The following WDPCP variants were observed in gnomAD, a reference collection of about 807,000 sequenced individuals.
WDPCP encodes the protein WD repeat containing planar cell polarity effector.
In WDPCP, 71 loss-of-function variants were observed where a neutral mutation model predicts 93.1. The observed-to-expected ratio is 0.76, with a 90% CI of 0.63 to 0.93. The LOEUF is 0.93. WDPCP is among the 40% of genes least tolerant of loss of function. The pLI, the probability that WDPCP is intolerant of heterozygous loss-of-function variation, is 0.00. For synonymous variants in WDPCP, 315 were observed against 315.0 expected (o/e 1.00, Z 0.00); for missense variants, 844 against 887.4 (o/e 0.95, Z 0.62).
intron 17 of WDPCP, among the ~76,000 whole-genome samples, chr2:63,147,906 T>A (rs1671631076): frequency 6.8e-6 from 1 of 147,712 alleles, no homozygotes; most frequent in African/African-American, 2.5e-5. Context: ...AGGCAGAGGT[T>A]GCAGTGAGCC....
chr2:63,624,889 A>C (rs1350492698), intron 3 of WDPCP, among the ~76,000 whole-genome samples: 2 of 152,204 alleles, frequency 1.3e-5, no homozygotes, highest in African/African-American at 4.8e-5. Flanking sequence ...AGAAAATTTC[A>C]TGACAATATC....
At chr2:63,307,069 A>G (rs1685797534) in intron 13 of WDPCP, among the ~76,000 whole-genome samples, 1 of 152,226 alleles carries the variant, frequency 6.6e-6, no homozygotes, top group African/African-American at 2.4e-5. Context: ...TCAATGTGCA[A>G]AAATCACAAG....
intron 6 of WDPCP, among the ~76,000 whole-genome samples, chr2:63,447,181 GAGT>G (rs1697922113): frequency 6.6e-6 from 1 of 152,018 alleles, no homozygotes; most frequent in Admixed American, 6.6e-5. Context: ...AAAAAAACAA[GAGT>G]AGTATGGGTA....
At chr2:63,361,840 A>G (rs974953939) in intron 12 of WDPCP, among the ~76,000 whole-genome samples, 2 of 152,192 alleles carry the variant, frequency 1.3e-5, no homozygotes, top group Admixed American at 6.5e-5. Context: ...GAGGCATCCA[A>G]GCTCCAAGAT....
chr2:63,138,579 C>A (rs1185493673), intron 17 of WDPCP, among the ~76,000 whole-genome samples: 2 of 151,780 alleles, frequency 1.3e-5, no homozygotes, highest in African/African-American at 4.8e-5. Flanking sequence ...CAGCCTCCCC[C>A]ATAGCTGGGA....
chr2:63,467,776 CAAAAAAA>C (rs3051717), intron 6 of WDPCP, among the ~76,000 whole-genome samples: 16 of 87,674 alleles, frequency 1.8e-4, no homozygotes, highest in Non-Finnish European at 3.2e-4. Context: ...ACTCAGTCTC[CAAAAAAA>C]AAAAAAAAAA....
intron 1 of WDPCP, among the ~76,000 whole-genome samples, chr2:63,550,055 A>G (rs1479175727): frequency 9.5e-6 from 1 of 105,196 alleles, no homozygotes; most frequent in Non-Finnish European, 1.9e-5. Flanking sequence ...GCATCAACCA[A>G]TGCTTTCTCT....
chr2:63,402,478 A>C (rs778929167), intron 10 of WDPCP, among the ~76,000 whole-genome samples: 7 of 152,050 alleles, frequency 4.6e-5, no homozygotes, highest in Non-Finnish European at 7.4e-5. Context: ...AACTTAAAGT[A>C]AAATAAAAAT....
chr2:63,722,660 G>A (rs1310966352), intron 2 of WDPCP, among the ~76,000 whole-genome samples: 1 of 132,658 alleles, frequency 7.5e-6, no homozygotes. Context: ...AGGGAGGTGG[G>A]GGGGGGTCAG....
chr2:63,122,594 A>C (rs1193506836), intron 17 of WDPCP, among the ~76,000 whole-genome samples: 1 of 152,156 alleles, frequency 6.6e-6, no homozygotes, highest in Non-Finnish European at 1.5e-5. Context: ...TTTCTTTTGC[A>C]CCTTCTGCCC....
At chr2:63,396,870 G>A (rs1380241450) in intron 10 of WDPCP, among the ~76,000 whole-genome samples, 1 of 152,122 alleles carries the variant, frequency 6.6e-6, no homozygotes, top group Non-Finnish European at 1.5e-5. Flanking sequence ...TTGTGTTCAT[G>A]AGTTGTCAGC....
chr2:63,367,000 C>T (rs2104729976), intron 12 of WDPCP, among the ~76,000 whole-genome samples: 1 of 151,640 alleles, frequency 6.6e-6, no homozygotes, highest in African/African-American at 2.4e-5. Context: ...AAGCCCTTAC[C>T]TTTCACTAGC....
intron 14 of WDPCP, among the ~76,000 whole-genome samples, chr2:63,191,521 A>C (rs909056133): frequency 6.6e-6 from 1 of 152,174 alleles, no homozygotes; most frequent in Non-Finnish European, 1.5e-5. Context: ...GCTTTTTGAA[A>C]ACTCAGATTT....
chr2:63,178,691 T>A (rs1674003051), intron 14 of WDPCP, among the ~76,000 whole-genome samples: 3 of 152,166 alleles, frequency 2.0e-5, no homozygotes, highest in Non-Finnish European at 2.9e-5. Flanking sequence ...ATTGCTTTTG[T>A]ATTCTGTATT....
intron 10 of WDPCP, among the ~76,000 whole-genome samples, chr2:63,401,007 A>G (rs1694105594): frequency 6.6e-6 from 1 of 152,216 alleles, no homozygotes; most frequent in African/African-American, 2.4e-5. Context: ...AAATGGATAA[A>G]GGACTTAAAT....
chr2:63,553,109 T>C (rs958747173), intron 1 of WDPCP, among the ~76,000 whole-genome samples: 1 of 152,364 alleles, frequency 6.6e-6, no homozygotes, highest in Non-Finnish European at 1.5e-5. Flanking sequence ...TTTAAGTGTT[T>C]AGTTCTCCCC....
chr2:63,213,701 G>C (rs1328381535), intron 14 of WDPCP, among the ~76,000 whole-genome samples: 1 of 151,992 alleles, frequency 6.6e-6, no homozygotes, highest in Non-Finnish European at 1.5e-5. Flanking sequence ...TTTTTGAAAG[G>C]ATCAACAAAA....
At chr2:63,591,976 G>A (rs866945235), upstream of WDPCP, among the ~76,000 whole-genome samples, 2 of 152,222 alleles carry the variant, frequency 1.3e-5, no homozygotes, top group South Asian at 4.1e-4. Flanking sequence ...AGAGCATGCA[G>A]TTAATGAGTT....
At chr2:63,704,467 G>A (rs1043943267) in intron 2 of WDPCP, among the ~76,000 whole-genome samples, 9 of 152,122 alleles carry the variant, frequency 5.9e-5, no homozygotes, top group East Asian at 1.9e-4. Flanking sequence ...TTTGAGATAC[G>A]TCCCATCAAT....
Sources: gnomAD v4.1 joint callset for allele counts (sites outside exome capture counted in the v4.1 genomes callset) on GRCh38, gnomAD v4.1.1 for gene constraint, MANE v1.5 for transcripts, NCBI Gene and HGNC (gene_info 2026-07-23, HGNC 2026-07-21) for gene names.